Variants in RABEP1 observed in about 807,000 individuals in gnomAD.
RABEP1 encodes rabaptin, RAB GTPase binding effector protein 1.
RABEP1 carries 51 observed loss-of-function variants against 123.4 expected under a neutral mutation model. The observed-to-expected ratio is 0.41, with a 90% CI of 0.33 to 0.52. The LOEUF (loss-of-function observed/expected upper bound fraction) is 0.52, where lower values mean the gene tolerates loss of function less well. Ranked by LOEUF, RABEP1 falls within the 20% of genes least tolerant of loss-of-function variation. RABEP1 has a pLI of 0.16. For missense variants in RABEP1, 888 were observed against 996.3 expected (o/e 0.89, Z 1.46); for synonymous variants, 347 against 355.2 (o/e 0.98, Z 0.26).
At chr17:5,317,990 C>T (rs1030565228) in intron 2 of RABEP1, among the ~76,000 whole-genome samples, 3 of 152,280 alleles carry the variant, frequency 2.0e-5, no homozygotes, top group Admixed American at 6.5e-5. Flanking sequence ...CCAGAGAGGG[C>T]GTAGAAGCTC....
At chr17:5,314,997 C>G (rs745827735) in intron 2 of RABEP1, among the ~76,000 whole-genome samples, 10 of 152,160 alleles carry the variant, frequency 6.6e-5, no homozygotes, top group Non-Finnish European at 1.2e-4. Flanking sequence ...ATATAGTTTT[C>G]AATTTGACGA....
chr17:5,296,395 C>G (rs749632766), intron 1 of RABEP1, among the ~76,000 whole-genome samples: 2 of 152,088 alleles, frequency 1.3e-5, no homozygotes, highest in Non-Finnish European at 2.9e-5. Context: ...TCCCAAGTAG[C>G]TGGGATTACA....
chr17:5,336,304 G>A (rs1907078785), intron 4 of RABEP1, among the ~76,000 whole-genome samples: 3 of 152,020 alleles, frequency 2.0e-5, no homozygotes. Flanking sequence ...TGAAAAATTG[G>A]GAAGATAGTA....
At chr17:5,324,321 G>A (rs1239651659) in intron 2 of RABEP1, among the ~76,000 whole-genome samples, 2 of 152,108 alleles carry the variant, frequency 1.3e-5, no homozygotes, top group East Asian at 3.8e-4. Flanking sequence ...AAGGCACCAA[G>A]AATATTCAAT....
At chr17:5,378,805 C>T (rs3026106) in intron 15 of RABEP1, 18,438 of 160,790 alleles carry the variant, frequency 0.11, 1,208 homozygotes, top group East Asian at 0.21. Context: ...CTCATTCAGA[C>T]CTCCAGTTCT....
At chr17:5,285,844 C>T (rs956894934) in intron 1 of RABEP1, among the ~76,000 whole-genome samples, 4 of 118,266 alleles carry the variant, frequency 3.4e-5, no homozygotes, top group African/African-American at 1.5e-4. Context: ...TGTAGGCCTT[C>T]TTCATTCTTC....
chr17:5,381,756 AC>A, intron 17 of RABEP1: 1 of 342,572 alleles, frequency 2.9e-6, no homozygotes, highest in Non-Finnish European at 5.0e-6. Context: ...TCCTTAGCAT[AC>A]CATGTAAGAC....
intron 1 of RABEP1, among the ~76,000 whole-genome samples, chr17:5,297,675 C>G (rs2075096281): frequency 6.6e-6 from 1 of 152,174 alleles, no homozygotes; most frequent in African/African-American, 2.4e-5. Context: ...GCCTGATACT[C>G]CATGAAGAGC....
At chr17:5,366,106 C>T (rs1352103641) in intron 11 of RABEP1, among the ~76,000 whole-genome samples, 1 of 152,152 alleles carries the variant, frequency 6.6e-6, no homozygotes, top group Non-Finnish European at 1.5e-5. Context: ...CCTCCACCAG[C>T]AATGTATGAG....
chr17:5,288,862 C>T (rs573944221), intron 1 of RABEP1, among the ~76,000 whole-genome samples: 417 of 148,404 alleles, frequency 2.8e-3, no homozygotes, highest in African/African-American at 9.7e-3. Context: ...CACCACTACA[C>T]CTGGCTCATT....
intron 13 of RABEP1, among the ~76,000 whole-genome samples, chr17:5,375,099 CTTT>C (rs529411322): frequency 7.9e-6 from 1 of 125,830 alleles, no homozygotes. Context: ...ATACCTGTTT[CTTT>C]TTTTTTTTTT....
chr17:5,303,689 A>T (rs1371776313), intron 1 of RABEP1, among the ~76,000 whole-genome samples: 1 of 152,216 alleles, frequency 6.6e-6, no homozygotes, highest in African/African-American at 2.4e-5. Context: ...TCATTAAACA[A>T]AAAGGTTTTG....
chr17:5,334,983 T>C (rs185171374), intron 3 of RABEP1, among the ~76,000 whole-genome samples: 1 of 152,316 alleles, frequency 6.6e-6, no homozygotes, highest in Admixed American at 6.5e-5. Context: ...ACAGGTTTAT[T>C]GTGAAGATTA....
intron 7 of RABEP1, among the ~76,000 whole-genome samples, chr17:5,353,800 A>G (rs1455780750): frequency 6.6e-6 from 1 of 152,130 alleles, no homozygotes; most frequent in East Asian, 1.9e-4. Context: ...CCTGGGCAAC[A>G]ATGTGAAACC....
intron 17 of RABEP1, 68 bp downstream of exon 17, chr17:5,381,573 C>T: frequency 6.5e-7 from 1 of 1,535,424 alleles, no homozygotes; most frequent in Non-Finnish European, 8.7e-7. Context: ...TTGCCGATCC[C>T]TGACTTGACC....
In RABEP1 at chr17:5,386,198, T is replaced by C. The variant is rs762165548; in HGVS notation, c.*2975T>C. On this transcript the variant is annotated 3_prime_UTR_variant, in exon 18 of 18. Coordinates refer to ENST00000537505, the MANE Select transcript of RABEP1 (RefSeq NM_004703.6). The stretch of plus-strand genomic sequence containing the variant: ...TTCAGTTCAGGTGTGAGTCAGCTCC[T>C]GGTGGTGTCAGAAGTTTACATGATT... 11 of 1,610,998 alleles carry C rather than the reference T, an allele frequency of 6.8e-6. No individual in the cohort carries two copies. In the Admixed American group the frequency reaches 1.5e-4, roughly 22 times the overall value.
At chr17:5,346,594 T>C (rs1908084308) in intron 5 of RABEP1, among the ~76,000 whole-genome samples, 196 bp from the exon 6 acceptor site, 2 of 152,236 alleles carry the variant, frequency 1.3e-5, no homozygotes, top group Non-Finnish European at 2.9e-5. Context: ...GGTGTGATTA[T>C]GGATAACATC....
At chr17:5,316,449 CAAAAAAAAAAAAAAA>C (rs386385498) in intron 2 of RABEP1, among the ~76,000 whole-genome samples, 1 of 28,582 alleles carries the variant, frequency 3.5e-5, no homozygotes, top group Non-Finnish European at 6.1e-5. Flanking sequence ...GACTCTGTCT[CAAAAAAAAAAAAAAA>C]AAAAAAAAAA....
Position 5,361,635 on chromosome 17 carries a change from G to C in RABEP1, c.1523G>C (p.Arg508Pro). ...ESAYVSPSGY[R>P]LVSETEWNLL... ...GCCTATGTGTCCCCTAGTGGTTATC[G>C]TTTAGTTAGTGAAACAGAATGGAAT... Residue 508 changes from arginine (R) to proline (P), a missense_variant, in exon 9 of 18, where the codon CGT (arginine) becomes CCT (proline). Physicochemically the swap from Arg to Pro is moderately radical, Grantham distance 103. Coordinates refer to ENST00000537505, the MANE Select transcript of RABEP1 (RefSeq NM_004703.6). 6.2e-7 allele frequency: 1 copy of C among 1,609,532 alleles called. No individual in the cohort carries two copies. The highest frequency in any genetic ancestry group is 8.5e-7 in the Non-Finnish European group (1 of 1,178,704).
Sources: gnomAD v4.1 joint callset for allele counts (sites outside exome capture counted in the v4.1 genomes callset) on GRCh38, gnomAD v4.1.1 for gene constraint, MANE v1.5 for transcripts, NCBI Gene and HGNC (gene_info 2026-07-23, HGNC 2026-07-21) for gene names.